RTN1: variants seen among roughly 807,000 people sequenced by gnomAD.
RTN1 encodes the protein reticulon-1.
In RTN1, 25 loss-of-function variants were observed where a neutral mutation model predicts 65.5. The ratio of observed to expected loss-of-function variants is 0.38; its 90% CI spans 0.28 to 0.53. RTN1 has a LOEUF of 0.53. RTN1 is among the 20% of genes least tolerant of loss of function. The pLI is 0.79. For synonymous variants in RTN1, 471 were observed against 447.6 expected (o/e 1.05, Z -0.66); for missense variants, 983 against 1,025.4 (o/e 0.96, Z 0.57).
At chr14:59,834,903 G>A (rs537778306) in intron 1 of RTN1, among the ~76,000 whole-genome samples, 112 of 152,298 alleles carry the variant, frequency 7.4e-4, no homozygotes, top group Non-Finnish European at 1.4e-3. Flanking sequence ...ATACTGGTGG[G>A]AATGTGAAAT....
intron 3 of RTN1, among the ~76,000 whole-genome samples, chr14:59,636,070 C>G (rs1270801828): frequency 2.0e-5 from 3 of 152,048 alleles, no homozygotes; most frequent in Non-Finnish European, 4.4e-5. Context: ...AAAAATCTAG[C>G]CAGAGGATGC....
At position 59,709,262 on chromosome 14, in the gene RTN1, T is replaced by C. The variant is rs141188741; in HGVS notation, c.1765+17657A>G. Among the ~76,000 whole-genome samples the C allele has an allele frequency of 3.3e-5, 5 of 152,336 alleles. No homozygotes were observed. In the East Asian group the frequency reaches 9.6e-4, roughly 29 times the overall value. On this transcript the variant is annotated intron_variant, in intron 3 of 8. Transcript: ENST00000267484. ...CAAAATGATAATAATTGTTAAATTT[T>C]GTTTATCTATATATGAAAGTTCATA...
intron 3 of RTN1, among the ~76,000 whole-genome samples, chr14:59,672,217 A>G (rs567898451): frequency 6.6e-6 from 1 of 152,272 alleles, no homozygotes; most frequent in South Asian, 2.1e-4. Flanking sequence ...ACTTGCTCAC[A>G]ACACATATGT....
chr14:59,745,699 G>T lies in RTN1; in HGVS notation c.1015+9C>A. 6.4e-7 allele frequency: 1 copy of T among 1,567,212 alleles called. No homozygotes were observed. Among genetic ancestry groups the T allele is most frequent in the Non-Finnish European group, 8.6e-7 (1 of 1,161,228 alleles). ...GTTTTCCTAAGTCAAGCAATAACAG[G>T]GCCTTTACCTGTTCCAGAAGATGGA... On this transcript the variant is annotated intron_variant, in intron 2 of 8. Coordinates refer to ENST00000267484, the MANE Select transcript of RTN1 (RefSeq NM_021136.3).
intron 1 of RTN1, among the ~76,000 whole-genome samples, chr14:59,753,488 G>C (rs1885572872): frequency 6.6e-6 from 1 of 152,188 alleles, no homozygotes; most frequent in Non-Finnish European, 1.5e-5. Context: ...TTTGAATGTA[G>C]TTATGTCCCA....
In RTN1 at chr14:59,727,360, G is replaced by T. The variant is rs2139478859; in HGVS notation, c.1324C>A (p.Pro442Thr). ...VSFGHVGGPPPSPASPSIQYS... is the reference protein window; with the variant it reads ...VSFGHVGGPPTSPASPSIQYS... ...TGGATGGATGGCGAGGCGGGCGAGG[G>T]CGGCGGGCCGCCCACGTGGCCAAAG... Residue 442 changes from proline to threonine, a missense_variant, in exon 3 of 9, where the codon CCC (proline) becomes ACC (threonine). Coordinates refer to ENST00000267484, the MANE Select transcript of RTN1 (RefSeq NM_021136.3). This position sits in a 1 kb window ranked among gnomAD's most constrained non-coding sequence, Gnocchi z 4.2. 6.6e-7 allele frequency: 1 copy of T among 1,510,512 alleles called. No homozygotes were observed. Among genetic ancestry groups the T allele is most frequent in the Non-Finnish European group, 8.9e-7 (1 of 1,128,678 alleles). The allele number at this position is 1,510,512 out of a possible 1,614,324, so 93.6% of individuals were successfully genotyped here.
At chr14:59,723,464 A>G (rs2139471536) in intron 3 of RTN1, among the ~76,000 whole-genome samples, 1 of 151,662 alleles carries the variant, frequency 6.6e-6, no homozygotes, top group East Asian at 2.0e-4. Context: ...AATACAAAAA[A>G]TTAGCCGGGC....
At chr14:59,844,676 G>A (rs562416332) in intron 1 of RTN1, among the ~76,000 whole-genome samples, 2 of 152,206 alleles carry the variant, frequency 1.3e-5, no homozygotes, top group Non-Finnish European at 2.9e-5. Flanking sequence ...CAGCAAGTGT[G>A]TTGTTAACAC....
intron 1 of RTN1, among the ~76,000 whole-genome samples, chr14:59,758,608 T>TCCTCAATGTTTTCTCCATCTCCACC (rs1885687315): frequency 6.6e-6 from 1 of 152,202 alleles, no homozygotes; most frequent in Admixed American, 6.5e-5. Context: ...GTTACCCCAC[T>TCCTCAATGTTTTCTCCATCTCCACC]CCTCAATGTT....
At chr14:59,831,555 T>G (rs1566741438) in intron 1 of RTN1, among the ~76,000 whole-genome samples, 1 of 152,220 alleles carries the variant, frequency 6.6e-6, no homozygotes, top group Non-Finnish European at 1.5e-5. Flanking sequence ...TCCATAACTG[T>G]GTGTGAGCTA....
chr14:59,613,087 G>A (rs936121422), intron 3 of RTN1, among the ~76,000 whole-genome samples: 17 of 152,064 alleles, frequency 1.1e-4, no homozygotes, highest in African/African-American at 4.1e-4. Context: ...GAACTACCTT[G>A]CGGAAATTCT....
chr14:59,749,043 C>T (rs765219082), intron 1 of RTN1, among the ~76,000 whole-genome samples: 24 of 148,928 alleles, frequency 1.6e-4, no homozygotes, highest in Non-Finnish European at 2.8e-4. Flanking sequence ...CCCACCATGG[C>T]CTCCCCAGTG....
chr14:59,849,866 T>A lies in RTN1; in HGVS notation c.241+20524A>T, dbSNP rs1413734512. Among the ~76,000 whole-genome samples the A allele has an allele frequency of 6.6e-6, 1 of 152,214 alleles. No individual in the cohort carries two copies. Among genetic ancestry groups the A allele is most frequent in the Non-Finnish European group, 1.5e-5 (1 of 68,034 alleles). On this transcript the variant is annotated intron_variant, in intron 1 of 8. Transcript: ENST00000267484. The surrounding 1 kb of genome is among the most constrained non-coding windows in gnomAD (Gnocchi z 4.5). ...TCCTCTTCTTCATAAATCCATTCCTTTTTTTACTTTTGCTTCCTCAAAGGG... is the reference window on the plus strand; with the variant it reads ...TCCTCTTCTTCATAAATCCATTCCTATTTTTACTTTTGCTTCCTCAAAGGG...
chr14:59,800,441 C>T (rs1237181140), intron 1 of RTN1, among the ~76,000 whole-genome samples: 1 of 152,144 alleles, frequency 6.6e-6, no homozygotes, highest in African/African-American at 2.4e-5. Flanking sequence ...CACTCTGTCC[C>T]CCAGGCTGGA....
At chr14:59,713,918 A>G (rs1434250708) in intron 3 of RTN1, among the ~76,000 whole-genome samples, 1 of 152,166 alleles carries the variant, frequency 6.6e-6, no homozygotes, top group Admixed American at 6.5e-5. Context: ...AAGAAGCAAG[A>G]CCTATAAAAT....
At chr14:59,656,348 T>C (rs1883123104) in intron 3 of RTN1, among the ~76,000 whole-genome samples, 1 of 152,214 alleles carries the variant, frequency 6.6e-6, no homozygotes. Context: ...GTATGTTTTA[T>C]GGTATATAAA....
chr14:59,846,612 T>C lies in RTN1; in HGVS notation c.241+23778A>G, dbSNP rs1222413502. Among the ~76,000 whole-genome samples, 1 of 152,192 alleles carries C rather than the reference T, an allele frequency of 6.6e-6. No individual in the cohort carries two copies. Among genetic ancestry groups the C allele is most frequent in the African/African-American group, 2.4e-5 (1 of 41,438 alleles). ...GGCCTTTGGGTGTAGCCTACACCCA[T>C]GACACAGGGAGTTTATTTAAAGTTT... On this transcript the variant is annotated intron_variant, in intron 1 of 8. Transcript: ENST00000267484. This position sits in a 1 kb window ranked among gnomAD's most constrained non-coding sequence, Gnocchi z 4.8.
chr14:59,618,219 T>G (rs572851206), intron 3 of RTN1, among the ~76,000 whole-genome samples: 1 of 152,340 alleles, frequency 6.6e-6, no homozygotes, highest in Admixed American at 6.5e-5. Context: ...AGGACTAACA[T>G]TAGCCATAAG....
In RTN1 at chr14:59,766,155, G is replaced by A. The variant is rs376568588; in HGVS notation, c.242-19674C>T. Among the ~76,000 whole-genome samples the A allele has an allele frequency of 3.0e-4, 45 of 152,096 alleles. No homozygotes were observed. The highest frequency in any genetic ancestry group is 7.7e-4 in the African/African-American group (32 of 41,500). ...TGAGGCAGGACTATTGCTTGAACCC[G>A]GGAGGCAGACATTGCAGTGAGTGGA... On this transcript the variant is annotated intron_variant, in intron 1 of 8. Coordinates refer to ENST00000267484, the MANE Select transcript of RTN1 (RefSeq NM_021136.3). This position sits in a 1 kb window ranked among gnomAD's most constrained non-coding sequence, Gnocchi z 4.4.
Sources: allele counts gnomAD v4.1 joint callset (sites outside exome capture counted in the v4.1 genomes callset), GRCh38; gene constraint gnomAD v4.1.1; non-coding constraint Gnocchi (gnomAD v3.1); transcripts MANE v1.5; gene names NCBI Gene and HGNC (gene_info 2026-07-23, HGNC 2026-07-21).